Variants in GPC2 observed in about 807,000 individuals in gnomAD.
GPC2 encodes the protein glypican 2, also known as glypican-2.
In GPC2, 42 loss-of-function variants were observed where a neutral mutation model predicts 57.3. The ratio of observed to expected loss-of-function variants is 0.73; its 90% confidence interval spans 0.57 to 0.95. GPC2 has a LOEUF of 0.95. Among genes scored for constraint, GPC2 ranks in the 40% least tolerant of loss-of-function variants. The pLI, the probability that GPC2 is intolerant of heterozygous loss-of-function variation, is 0.00. For missense variants in GPC2, 745 were observed against 793.6 expected, an observed-to-expected ratio of 0.94 and a Z score of 0.74; for synonymous variants, 364 against 343.4, an observed-to-expected ratio of 1.06 and a Z score of -0.66.
chr7:100,173,581 A>T, intron 5 of GPC2: 1 of 236,116 alleles, frequency 4.2e-6, no homozygotes, highest in Non-Finnish European at 8.0e-6. Context: ...TGCCTGGCTG[A>T]TTTCTTTCTT....
At chr7:100,172,465 A>ATTTTTTTTT (rs766292878) in intron 5 of GPC2, among the ~76,000 whole-genome samples, 2 of 140,176 alleles carry the variant, frequency 1.4e-5, no homozygotes, top group South Asian at 2.3e-4. Flanking sequence ...GGATTTTAGG[A>ATTTTTTTTT]TTTTTTTTTT....
At position 100,171,440 on chromosome 7, in the gene GPC2, C is replaced by A. The variant is rs1012831616; in HGVS notation, c.1311-4G>T. The A allele has an allele frequency of 2.1e-6, 3 of 1,438,848 alleles. No individual in the cohort carries two copies. Among genetic ancestry groups the A allele is most frequent in the Middle Eastern group, 2.1e-4 (1 of 4,700 alleles). The allele number at this position is 1,438,848 out of a possible 1,614,324, so 89.1% of individuals were successfully genotyped here. Reference sequence around the variant, plus strand: ...CCCGACCACTGGCGGCAAGTACCTGCGAGCAGAGCAGCCCCGAAGCGCCAG... The same window carrying A: ...CCCGACCACTGGCGGCAAGTACCTGAGAGCAGAGCAGCCCCGAAGCGCCAG... On this transcript the variant is annotated splice_polypyrimidine_tract_variant and splice_region_variant and intron_variant, in intron 8 of 9. Transcript: ENST00000292377. This position sits in a 1 kb window ranked among gnomAD's most constrained non-coding sequence, Gnocchi z 4.8.
intron 5 of GPC2, chr7:100,173,343 C>T (rs1799215280): frequency 6.6e-6 from 1 of 152,450 alleles, no homozygotes; most frequent in Non-Finnish European, 1.5e-5. Flanking sequence ...TCATAGCTTA[C>T]TGCAGCCTCT....
Position 100,173,822 on chromosome 7 carries a change from T to C in GPC2, c.892+13A>G. The C allele has an allele frequency of 2.0e-6, 3 of 1,520,134 alleles. No individual in the cohort carries two copies. Among genetic ancestry groups the C allele is most frequent in the African/African-American group, 1.4e-5 (1 of 70,820 alleles). 94.2% of individuals were successfully genotyped at this position (1,520,134 alleles called of 1,614,324 possible). A position where few individuals can be genotyped will look rare whatever the true frequency, so the allele number is the denominator to read the frequency against. ...CACCATGCCTGGCTCCAGGCTTTCT[T>C]GAATCCCCTCACCCAGATAGTTGCC... On this transcript the variant is annotated intron_variant, in intron 5 of 9. Coordinates refer to ENST00000292377, the MANE Select transcript of GPC2 (RefSeq NM_152742.3).
intron 1 of GPC2, 63 bp from the exon 2 acceptor site, chr7:100,176,428 G>C: frequency 6.7e-7 from 1 of 1,489,376 alleles, no homozygotes; most frequent in Non-Finnish European, 9.3e-7. Context: ...TCCATTTCCC[G>C]CCTATCTCTG....
chr7:100,172,748 T>TATATACAC (rs1357789927), intron 5 of GPC2, among the ~76,000 whole-genome samples: 1 of 120,736 alleles, frequency 8.3e-6, no homozygotes. Flanking sequence ...TATATATGTG[T>TATATACAC]GTATATATAT....
chr7:100,174,069 A>C, intron 4 of GPC2, 72 bp from the exon 5 acceptor site: 1 of 1,374,802 alleles, frequency 7.3e-7, no homozygotes, highest in Non-Finnish European at 9.7e-7. Flanking sequence ...GGTGCTGGGC[A>C]CAGACAGAAA....
rs149147933 is a variant in GPC2, at chr7:100,174,855, G to C, written c.649-90C>G. ...CAAGAGACTGCATCAAGAGCAGTGA[G>C]GGTTGGGTGTGTGGGGTTCTCTCAG... is the stretch of plus-strand genomic sequence containing the variant. On this transcript the variant is annotated intron_variant, in intron 3 of 9. Transcript: ENST00000292377. 249 of 954,526 alleles carry C rather than the reference G, an allele frequency of 2.6e-4. 1 individual carries two copies. The African/African-American group carries it at 3.9e-3, about 15-fold the overall frequency. The allele number at this position is 954,526 out of a possible 1,614,324, so 59.1% of individuals were successfully genotyped here.
rs199599671 is a variant in GPC2 at position 100,177,242 on chromosome 7, A to G, written c.-43T>C. On this transcript the variant is annotated 5_prime_UTR_variant, in exon 1 of 10. Coordinates refer to ENST00000292377, the MANE Select transcript of GPC2 (RefSeq NM_152742.3). ...GACGGCAAAGTGGGTCCTAAGGAGGAAAGCAGAGCCTCCCAAACTCGGGAA... is the reference window on the plus strand; with the variant it reads ...GACGGCAAAGTGGGTCCTAAGGAGGGAAGCAGAGCCTCCCAAACTCGGGAA... 4.5e-6 allele frequency: 7 copies of G among 1,542,370 alleles called. No individual in the cohort carries two copies. The highest frequency in any genetic ancestry group is 6.1e-6 in the Non-Finnish European group (7 of 1,138,792).
intron 5 of GPC2, among the ~76,000 whole-genome samples, chr7:100,172,689 A>ATATATATATGTGTATATATATG (rs1799200727): frequency 3.8e-5 from 4 of 106,642 alleles, no homozygotes; most frequent in Non-Finnish European, 6.9e-5. Flanking sequence ...GTGTGTGTAT[A>ATATATATATGTGTATATATATG]TATATATACG....
rs1799142221 is a variant in GPC2, at chr7:100,169,608, C to G, written c.*622G>C. On this transcript the variant is annotated 3_prime_UTR_variant, in exon 10 of 10. Coordinates refer to ENST00000292377, the MANE Select transcript of GPC2 (RefSeq NM_152742.3). The stretch of plus-strand genomic sequence containing the variant: ...CAGCACAGAAGCCACACATGGGGTC[C>G]AATACATTACCATTTATTTGCAGAA... 6.6e-6 allele frequency: 1 copy of G among 152,636 alleles called. No homozygotes were observed. 9.5% of individuals were successfully genotyped at this position (152,636 alleles called of 1,614,324 possible).
chr7:100,171,926 C>G lies in GPC2; in HGVS notation c.1024-1G>C. 1 of 1,505,854 alleles carries G rather than the reference C, an allele frequency of 6.6e-7. No homozygotes were observed. The highest frequency in any genetic ancestry group is 8.8e-7 in the Non-Finnish European group (1 of 1,131,476). The allele number at this position is 1,505,854 out of a possible 1,614,324, so 93.3% of individuals were successfully genotyped here. ...CGGGGGGGCCGCACTCCTGAAACAC[C>G]TGCGGCACCGGGAAGAGACCTCACA... On this transcript the variant is annotated splice_acceptor_variant, in intron 6 of 9. Transcript: ENST00000292377. LOFTEE classifies it high-confidence loss of function. This position sits in a 1 kb window ranked among gnomAD's most constrained non-coding sequence, Gnocchi z 4.8.
At position 100,172,102 on chromosome 7, in the gene GPC2, C is replaced by A. The variant is rs780747061; in HGVS notation, c.1008G>T (p.Ala336=). Residue 336 remains alanine, a synonymous_variant, in exon 6 of 10, where the codon GCG becomes GCT. Coordinates refer to ENST00000292377, the MANE Select transcript of GPC2 (RefSeq NM_152742.3). The part of the protein sequence containing the change: ...EGLMYLQENS[A]KVSAQVFQEC... ...TCCCCTGTACCTGGGCGGACACCTTCGCACTGTTTTCCTGCAGGTACATCA... is the reference window on the plus strand; with the variant it reads ...TCCCCTGTACCTGGGCGGACACCTTAGCACTGTTTTCCTGCAGGTACATCA... 6.2e-7 allele frequency: 1 copy of A among 1,614,008 alleles called. No homozygotes were observed. Among genetic ancestry groups the A allele is most frequent in the Non-Finnish European group, 8.5e-7 (1 of 1,179,998 alleles).
chr7:100,172,144 C>T lies in GPC2; in HGVS notation c.966G>A (p.Val322=). 1 of 1,614,038 alleles carries T rather than the reference C, an allele frequency of 6.2e-7. No individual in the cohort carries two copies. Among genetic ancestry groups the T allele is most frequent in the South Asian group, 1.1e-5 (1 of 91,072 alleles). The change falls in exon 6 of 10, where the codon GTG becomes GTA. Residue 322 remains valine, a synonymous_variant. Coordinates refer to ENST00000292377, the MANE Select transcript of GPC2 (RefSeq NM_152742.3). ...GGTACATCAAACCCTCCGAGATCTT[C>T]ACCCCAATGGACTCGGCCGTCAGCT... ...SFELTAESIG[V]KISEGLMYLQ... is the part of the protein sequence containing the mutation.
At chr7:100,172,355 C>T in intron 5 of GPC2, 138 bp from the exon 6 acceptor site, 2 of 916,882 alleles carry the variant, frequency 2.2e-6, no homozygotes, top group Non-Finnish European at 3.3e-6. Flanking sequence ...TCTCATGTAT[C>T]CCCCCAATTT....
Position 100,171,011 on chromosome 7 carries a change from T to A in GPC2, c.1486+250A>T. The A allele has an allele frequency of 3.0e-6, 1 of 338,564 alleles. No individual in the cohort carries two copies. The highest frequency in any genetic ancestry group is 5.3e-6 in the Non-Finnish European group (1 of 188,304). The allele number at this position is 338,564 out of a possible 1,614,324, so 21.0% of individuals were successfully genotyped here. A position where few individuals can be genotyped will look rare whatever the true frequency, so the allele number is the denominator to read the frequency against. On this transcript the variant is annotated intron_variant, in intron 9 of 9. Coordinates refer to ENST00000292377, the MANE Select transcript of GPC2 (RefSeq NM_152742.3). The surrounding 1 kb of genome is among the most constrained non-coding windows in gnomAD (Gnocchi z 4.8). ...CCATTTTCCCACTGCCCTTTGCCCA[T>A]TATAAGGGGCTTCCCACTGTTCTTT...
chr7:100,172,649 A>ATATATATATATGTGTG (rs776660460), intron 5 of GPC2, among the ~76,000 whole-genome samples: 10 of 118,144 alleles, frequency 8.5e-5, no homozygotes, highest in South Asian at 5.2e-4. Flanking sequence ...ATATATATAT[A>ATATATATATATGTGTG]TGTGTGTGTG....
At position 100,170,031 on chromosome 7, in the gene GPC2, A is replaced by C; in HGVS notation, c.*199T>G. 2.3e-5 allele frequency: 9 copies of C among 383,894 alleles called. No homozygotes were observed. The highest frequency in any genetic ancestry group is 4.5e-5 in the Admixed American group (1 of 22,046). The allele number at this position is 383,894 out of a possible 1,614,324, so 23.8% of individuals were successfully genotyped here. On this transcript the variant is annotated 3_prime_UTR_variant, in exon 10 of 10. Transcript: ENST00000292377. ...AATACCCCCAGGCCCCCCTCCCATT[A>C]CCAAATGAAAAAATAAATATTGTGA...
chr7:100,174,700 GACC>G lies in GPC2; in HGVS notation c.711_713del (p.Val238del). 1 of 1,613,598 alleles carries G rather than the reference GACC, an allele frequency of 6.2e-7. No individual in the cohort carries two copies. Among genetic ancestry groups the G allele is most frequent in the Non-Finnish European group, 8.5e-7 (1 of 1,179,608 alleles). On this transcript the variant is annotated inframe_deletion, in exon 4 of 10. Transcript: ENST00000292377. ...ACCCTCCAACCTTAAGCGCTTCGCT[GACC>G]ACATTTCTTCCAGTCTCCAGGCCCT...
Sources: allele counts gnomAD v4.1 joint callset (sites outside exome capture counted in the v4.1 genomes callset), GRCh38; gene constraint gnomAD v4.1.1; non-coding constraint Gnocchi (gnomAD v3.1); transcripts MANE v1.5; gene names NCBI Gene and HGNC (gene_info 2026-07-23, HGNC 2026-07-21).